The following TRPM7 variants were observed in gnomAD, a reference collection of about 807,000 sequenced individuals.
The protein encoded by TRPM7 is LTRPC ion channel family member 7.
A neutral mutation model predicts 229.7 loss-of-function variants in TRPM7; 134 were observed. The observed-to-expected ratio is 0.58, with a 90% CI of 0.51 to 0.67. The LOEUF is 0.67. Ranked by LOEUF, TRPM7 falls within the 30% of genes least tolerant of loss-of-function variation. The pLI is 0.00. For synonymous variants in TRPM7, 699 were observed against 715.2 expected (o/e 0.98, Z 0.36); for missense variants, 1,901 against 2,210.0 (o/e 0.86, Z 2.80).
chr15:50,642,706 TATA>T (rs1179263537), intron 5 of TRPM7, among the ~76,000 whole-genome samples: 1 of 152,200 alleles, frequency 6.6e-6, no homozygotes, highest in Non-Finnish European at 1.5e-5. Context: ...CTCTTTCCTT[TATA>T]AATTACCAAG....
intron 21 of TRPM7, among the ~76,000 whole-genome samples, chr15:50,601,576 A>G (rs543097086): frequency 2.0e-5 from 3 of 152,282 alleles, no homozygotes; most frequent in Admixed American, 6.5e-5. Context: ...CAGGAGGTGG[A>G]GGTTGCAGTG....
In TRPM7 at chr15:50,589,658, T is replaced by C. The variant is rs1304572361; in HGVS notation, c.4325-2A>G. On this transcript the variant is annotated splice_acceptor_variant, in intron 26 of 38. Coordinates refer to ENST00000646667, the MANE Select transcript of TRPM7 (RefSeq NM_017672.6). LOFTEE classifies it high-confidence loss of function. ...GTAAATCCATGCTATCTCTGTGTCCTTTAATAGAAAAAAAGATGTTGCAAT... is the reference window on the plus strand; with the variant it reads ...GTAAATCCATGCTATCTCTGTGTCCCTTAATAGAAAAAAAGATGTTGCAAT... The C allele has an allele frequency of 6.3e-7, 1 of 1,578,018 alleles. No individual in the cohort carries two copies. The highest frequency in any genetic ancestry group is 8.6e-7 in the Non-Finnish European group (1 of 1,161,454).
chr15:50,640,437 G>A (rs1006071328), intron 5 of TRPM7, among the ~76,000 whole-genome samples: 1 of 149,476 alleles, frequency 6.7e-6, no homozygotes, highest in Admixed American at 6.7e-5. Context: ...CCACCATGCC[G>A]GGGTAATTTT....
chr15:50,647,240 C>G (rs1417515762), intron 4 of TRPM7, among the ~76,000 whole-genome samples: 1 of 152,120 alleles, frequency 6.6e-6, no homozygotes, highest in East Asian at 1.9e-4. Flanking sequence ...AGGTGATTAT[C>G]CTGCTTCAGC....
chr15:50,623,498 G>A (rs866031537), intron 12 of TRPM7, among the ~76,000 whole-genome samples: 6 of 92,758 alleles, frequency 6.5e-5, no homozygotes, highest in African/African-American at 1.5e-4. Flanking sequence ...CCCCCTCCCC[G>A]CCCCGCCCTG....
At chr15:50,679,531 T>TA (rs1567129450) in intron 1 of TRPM7, among the ~76,000 whole-genome samples, 4 of 53,362 alleles carry the variant, frequency 7.5e-5, no homozygotes, top group African/African-American at 3.1e-4. Context: ...TATATATATA[T>TA]ATATATATTT....
At chr15:50,612,511 AT>A in intron 16 of TRPM7, 37 bp downstream of exon 16, 1 of 1,584,074 alleles carries the variant, frequency 6.3e-7, no homozygotes, top group Non-Finnish European at 8.6e-7. Context: ...CCTACTTTGA[AT>A]TTTTAAAATG....
chr15:50,685,499 G>A (rs888884382), intron 1 of TRPM7, among the ~76,000 whole-genome samples: 5 of 152,178 alleles, frequency 3.3e-5, no homozygotes, highest in Non-Finnish European at 7.3e-5. Context: ...AATAGTGAAA[G>A]ACACATTATT....
chr15:50,559,622 T>A lies in TRPM7; in HGVS notation c.*2056A>T, dbSNP rs1172280347. 6.6e-6 allele frequency: 1 copy of A among 152,244 alleles called. No individual in the cohort carries two copies. The highest frequency in any genetic ancestry group is 1.5e-5 in the Non-Finnish European group (1 of 68,060). The allele number at this position is 152,244 out of a possible 1,614,324, so 9.4% of individuals were successfully genotyped here. ...ATAAACGTAAGAATCTTATGGACGT[T>A]ACTTTACCTCTCTAGCACCTTGACT... On this transcript the variant is annotated 3_prime_UTR_variant, in exon 39 of 39. Transcript: ENST00000646667.
chr15:50,681,891 T>C (rs1411438239), intron 1 of TRPM7, among the ~76,000 whole-genome samples: 2 of 152,156 alleles, frequency 1.3e-5, no homozygotes, highest in African/African-American at 2.4e-5. Flanking sequence ...ATAACAGTGA[T>C]GCTCATAAAA....
chr15:50,563,893 G>C (rs560410995), intron 38 of TRPM7, among the ~76,000 whole-genome samples: 3 of 151,886 alleles, frequency 2.0e-5, no homozygotes, highest in Non-Finnish European at 4.4e-5. Context: ...ACAAGGTCTT[G>C]TTGTTGCCCA....
chr15:50,610,908 T>C (rs2060047461), intron 17 of TRPM7, among the ~76,000 whole-genome samples, 185 bp downstream of exon 17: 1 of 152,058 alleles, frequency 6.6e-6, no homozygotes, highest in South Asian at 2.1e-4. Flanking sequence ...GATTCAAAAG[T>C]TAAGTAGAGG....
chr15:50,576,256 C>A (rs1299126994), intron 31 of TRPM7, among the ~76,000 whole-genome samples: 1 of 152,034 alleles, frequency 6.6e-6, no homozygotes, highest in Non-Finnish European at 1.5e-5. Context: ...GGACTGTAGC[C>A]ATGTAAATAT....
rs1334258358 is a variant in TRPM7, at chr15:50,643,311, A to C, written c.535+29T>G. On this transcript the variant is annotated intron_variant, in intron 5 of 38. Transcript: ENST00000646667. ...TCAAAAAAAAAAATTAAAACACACT[A>C]AATAAAATTGGTATAATCATCACAT... The C allele has an allele frequency of 1.9e-6, 3 of 1,580,998 alleles. No homozygotes were observed. The Admixed American group carries it at 5.2e-5, about 27-fold the overall frequency.
At chr15:50,590,364 G>C (rs1238501368) in intron 26 of TRPM7, among the ~76,000 whole-genome samples, 1 of 151,406 alleles carries the variant, frequency 6.6e-6, no homozygotes, top group Non-Finnish European at 1.5e-5. Flanking sequence ...AACAAAAACA[G>C]AACAAAAATA....
In TRPM7 at chr15:50,594,488, A is replaced by G; in HGVS notation, c.3416T>C (p.Val1139Ala). Residue 1139 changes from valine (V) to alanine (A), a missense_variant, in exon 24 of 39, where the codon GTT (valine) becomes GCT (alanine). Val to Ala is a moderately conservative substitution (Grantham distance 64, BLOSUM62 0). Coordinates refer to ENST00000646667, the MANE Select transcript of TRPM7 (RefSeq NM_017672.6). ...CTTACATATGCAGCAAAACAGAGAA[A>G]CTATATGGCTAAGAATGATAAGTGG... ...PPPLIILSHI[V>A]SLFCCICKRR... 1 of 1,613,304 alleles carries G rather than the reference A, an allele frequency of 6.2e-7. No homozygotes were observed. Among genetic ancestry groups the G allele is most frequent in the African/African-American group, 1.3e-5 (1 of 75,026 alleles).
chr15:50,629,508 A>G (rs894113109), intron 10 of TRPM7, among the ~76,000 whole-genome samples: 1 of 150,666 alleles, frequency 6.6e-6, no homozygotes. Context: ...CCTGGGCTCA[A>G]GCAATCTGCT....
chr15:50,651,084 A>G (rs970368988), intron 3 of TRPM7, among the ~76,000 whole-genome samples: 2 of 151,880 alleles, frequency 1.3e-5, no homozygotes, highest in Non-Finnish European at 2.9e-5. Flanking sequence ...CTACTTGGGA[A>G]GCTGAGATGG....
chr15:50,667,861 T>C (rs753319908), intron 1 of TRPM7, among the ~76,000 whole-genome samples: 36 of 152,246 alleles, frequency 2.4e-4, no homozygotes, highest in Non-Finnish European at 4.4e-4. Context: ...CAGGAAGCAT[T>C]GCCAAATATG....
Sources: gnomAD v4.1 joint callset for allele counts (sites outside exome capture counted in the v4.1 genomes callset) on GRCh38, gnomAD v4.1.1 for gene constraint, MANE v1.5 for transcripts, NCBI Gene and HGNC (gene_info 2026-07-23, HGNC 2026-07-21) for gene names.